Variants in TEP1 observed in about 807,000 individuals in gnomAD.
TEP1 encodes the protein telomerase associated protein 1.
Under a neutral mutation model 306.3 loss-of-function variants are expected in TEP1, and 241 were observed. The observed-to-expected ratio is 0.79, with a 90% confidence interval of 0.71 to 0.88. The LOEUF (loss-of-function observed/expected upper bound fraction) is 0.88, where lower values mean the gene tolerates loss of function less well. TEP1 is among the 40% of genes least tolerant of loss of function. TEP1 has a pLI of 0.00. For synonymous variants in TEP1, 1,289 were observed against 1,305.5 expected, an observed-to-expected ratio of 0.99 and a Z score of 0.27; for missense variants, 3,051 against 3,276.1, an observed-to-expected ratio of 0.93 and a Z score of 1.68.
Position 20,405,498 on chromosome 14 carries a change from C to A in TEP1, c.823G>T (p.Glu275Ter). 6.2e-7 allele frequency: 1 copy of A among 1,614,132 alleles called. No homozygotes were observed. The highest frequency in any genetic ancestry group is 8.5e-7 in the Non-Finnish European group (1 of 1,180,020). Residue 275 changes from glutamate to a stop codon, truncating the protein, a stop_gained, in exon 4 of 55, where the codon GAA (glutamate) becomes TAA (stop). Coordinates refer to ENST00000262715, the MANE Select transcript of TEP1 (RefSeq NM_007110.5). LOFTEE classifies it high-confidence loss of function. Reference sequence around the variant, plus strand: ...AGGAGGGCAAGTTCACGACAGATTTCAAAAATGGCAGCCAGGGTGGGGTCA... The same window carrying A: ...AGGAGGGCAAGTTCACGACAGATTTAAAAAATGGCAGCCAGGGTGGGGTCA... ...TSDPTLAAIF[E>*]ICRELALLEP...
intron 9 of TEP1, among the ~76,000 whole-genome samples, chr14:20,397,504 G>A (rs541196862): frequency 6.6e-6 from 1 of 151,748 alleles, no homozygotes; most frequent in South Asian, 2.1e-4. Flanking sequence ...GCAAGACTCT[G>A]TCTCCAAAAA....
chr14:20,384,213 T>G lies in TEP1; in HGVS notation c.3359A>C (p.Gln1120Pro), dbSNP rs1240112456. The change falls in exon 24 of 55, where the codon CAG becomes CCG. Residue 1120 changes from glutamine to proline, a missense_variant. Gln to Pro is a moderately conservative substitution (Grantham distance 76). This residue lies in a region of TEP1 where 1,507 missense variants were observed against 1,550.5 expected (regional missense o/e 0.97). Transcript: ENST00000262715. ...GTCATCGTCTGGGATGGACACTGGC[T>G]GCTCCAGCAGGGCCCCAGGCTGAGG... Reference protein sequence around the residue: ...LYLQPGALLEQPVSIPDDDLV... With the variant: ...LYLQPGALLEPPVSIPDDDLV... 3.1e-6 allele frequency: 5 copies of G among 1,613,940 alleles called. No homozygotes were observed. Among genetic ancestry groups the G allele is most frequent in the African/African-American group, 2.7e-5 (2 of 74,932 alleles).
chr14:20,402,817 T>A (rs536496042), intron 7 of TEP1, among the ~76,000 whole-genome samples: 1 of 152,332 alleles, frequency 6.6e-6, no homozygotes, highest in Non-Finnish European at 1.5e-5. Flanking sequence ...TATTTCATAA[T>A]GTTTTTAACT....
intron 15 of TEP1, among the ~76,000 whole-genome samples, chr14:20,390,402 T>A (rs932826218): frequency 6.6e-6 from 1 of 152,246 alleles, no homozygotes; most frequent in Non-Finnish European, 1.5e-5. Flanking sequence ...CCCAACTCTA[T>A]GTTCAGTAGC....
At position 20,389,298 on chromosome 14, in the gene TEP1, C is replaced by A. The variant is rs1398584132; in HGVS notation, c.2466-1G>T. The A allele has an allele frequency of 6.2e-7, 1 of 1,614,162 alleles. No homozygotes were observed. Among genetic ancestry groups the A allele is most frequent in the Admixed American group, 1.7e-5 (1 of 60,020 alleles). On this transcript the variant is annotated splice_acceptor_variant, in intron 16 of 54. Transcript: ENST00000262715. LOFTEE classifies it high-confidence loss of function. Reference sequence around the variant, plus strand: ...ATCATTGGGATTCAAATCTGTTGACCTGGCAAAGGAAGAAGCAGTCATTAA... The same window carrying A: ...ATCATTGGGATTCAAATCTGTTGACATGGCAAAGGAAGAAGCAGTCATTAA...
In TEP1 at chr14:20,385,029, G is replaced by A; in HGVS notation, c.3063C>T (p.Pro1021=). ...GGAAGTAGATGAGAGCTTGGGCAGA[G>A]GGCTGCAGACGTTGGTTCCGGTTCA... ...QFLNRNQRLQ[P]SAQALIYFRD... Residue 1021 remains proline, a synonymous_variant, in exon 21 of 55, where the codon CCC becomes CCT. Coordinates refer to ENST00000262715, the MANE Select transcript of TEP1 (RefSeq NM_007110.5). 1.9e-6 allele frequency: 3 copies of A among 1,614,200 alleles called. No individual in the cohort carries two copies. The highest frequency in any genetic ancestry group is 2.5e-6 in the Non-Finnish European group (3 of 1,180,036).
In TEP1 at chr14:20,379,961, G is replaced by A. The variant is rs1186426041; in HGVS notation, c.5096C>T (p.Thr1699Ile). Residue 1699 changes from threonine (T) to isoleucine (I), a missense_variant, in exon 35 of 55, where the codon ACA (threonine) becomes ATA (isoleucine). Around this residue, in one of 3 missense-constraint regions of TEP1, gnomAD observed 1,540 missense variants for 1,705.9 expected, o/e 0.90. Transcript: ENST00000262715. ...QRAAVGTANG[T>I]VYLLDLRTWQ... ...AGTTCTCAGGTCCAACAGGTAAACT[G>A]TCCCATTGGCAGTGCCCACAGCTGC... is the stretch of plus-strand genomic sequence containing the variant. The A allele has an allele frequency of 6.2e-7, 1 of 1,613,870 alleles. No homozygotes were observed. Among genetic ancestry groups the A allele is most frequent in the Non-Finnish European group, 8.5e-7 (1 of 1,179,950 alleles).
At chr14:20,396,767 GAGA>G in intron 9 of TEP1, 37 bp from the exon 10 acceptor site, 1 of 1,473,506 alleles carries the variant, frequency 6.8e-7, no homozygotes, top group Non-Finnish European at 9.3e-7. Flanking sequence ...AAAAACAAAT[GAGA>G]AGGCCAGGCA....
rs569174414 is a variant in TEP1 at position 20,403,402 on chromosome 14, C to G, written c.1241G>C (p.Gly414Ala). ...FSHRCFPRYI[G>A]FLREEQRKFE... ...CTTTCTCTGCTCTTCTCTGAGAAAC[C>G]CTATGTACCTTGGAAAACATCTGTG... The change falls in exon 7 of 55, where the codon GGG becomes GCG. Residue 414 changes from glycine (G) to alanine (A), a missense_variant. By Grantham distance (60) the Gly-to-Ala change is moderately conservative. Coordinates refer to ENST00000262715, the MANE Select transcript of TEP1 (RefSeq NM_007110.5). 9 of 1,613,996 alleles carry G rather than the reference C, an allele frequency of 5.6e-6. No individual in the cohort carries two copies. Among genetic ancestry groups the G allele is most frequent in the African/African-American group, 4.0e-5 (3 of 74,888 alleles).
At chr14:20,400,564 T>C (rs1293231015) in intron 9 of TEP1, 1 of 152,044 alleles carries the variant, frequency 6.6e-6, no homozygotes, top group Admixed American at 6.6e-5. Flanking sequence ...CCTCCTCTAT[T>C]TGACTTTTTT....
Position 20,391,532 on chromosome 14 carries a change from G to A in TEP1, c.2097+67C>T, listed in dbSNP as rs1291488882. 2.0e-6 allele frequency: 3 copies of A among 1,529,882 alleles called. No individual in the cohort carries two copies. In the African/African-American group the frequency reaches 4.1e-5, roughly 21 times the overall value. 94.8% of individuals were successfully genotyped at this position (1,529,882 alleles called of 1,614,324 possible). ...CTGGGAAAACCAGCTCTGGGAACAG[G>A]ATACTGCTCAGGATCCCCAGCATTC... On this transcript the variant is annotated intron_variant, in intron 13 of 54. Transcript: ENST00000262715.
chr14:20,372,551 T>C (rs1428068510), intron 49 of TEP1, among the ~76,000 whole-genome samples, 182 bp downstream of exon 49: 1 of 152,178 alleles, frequency 6.6e-6, no homozygotes, highest in Non-Finnish European at 1.5e-5. Flanking sequence ...GAGCTTGGCA[T>C]CAAGTAGGCA....
chr14:20,386,108 G>C lies in TEP1; in HGVS notation c.2949C>G (p.Ser983Arg), dbSNP rs1036195823. The change falls in exon 20 of 55, where the codon AGC (serine) becomes AGG (arginine). Residue 983 changes from serine (S) to arginine (R), a missense_variant. By Grantham distance (110) the Ser-to-Arg change is moderately radical. Coordinates refer to ENST00000262715, the MANE Select transcript of TEP1 (RefSeq NM_007110.5). The part of the protein sequence containing the change: ...LGSRYGYIPP[S>R]YNLPDHPHFH... Reference sequence around the variant, plus strand: ...AGTGTGGATGGTCAGGAAGGTTGTAGCTGGGGGGAATGTATCCATAACGGG... The same window carrying C: ...AGTGTGGATGGTCAGGAAGGTTGTACCTGGGGGGAATGTATCCATAACGGG... 1 of 1,612,872 alleles carries C rather than the reference G, an allele frequency of 6.2e-7. No homozygotes were observed. Among genetic ancestry groups the C allele is most frequent in the Non-Finnish European group, 8.5e-7 (1 of 1,179,580 alleles).
intron 1 of TEP1, among the ~76,000 whole-genome samples, chr14:20,410,802 G>GTTTT (rs61662364): frequency 3.2e-4 from 8 of 25,220 alleles, no homozygotes; most frequent in African/African-American, 4.4e-4. Flanking sequence ...CTCCTTTGTG[G>GTTTT]TTTTTTTTTT....
Position 20,401,718 on chromosome 14 carries a change from A to C in TEP1, c.1267-137T>G. 4 of 1,288,614 alleles carry C rather than the reference A, an allele frequency of 3.1e-6. No homozygotes were observed. In the South Asian group the frequency reaches 5.8e-5, roughly 19 times the overall value. 79.8% of individuals were successfully genotyped at this position (1,288,614 alleles called of 1,614,324 possible). A position where few individuals can be genotyped will look rare whatever the true frequency, so the allele number is the denominator to read the frequency against. The stretch of plus-strand genomic sequence containing the variant: ...TTCAAAATAGATTTGGCCAAGGAGC[A>C]GGAATAGAGGGTACAAATCTCTGGC... On this transcript the variant is annotated intron_variant, in intron 7 of 54. Transcript: ENST00000262715.
intron 2 of TEP1, among the ~76,000 whole-genome samples, chr14:20,407,003 G>C (rs1879226969): frequency 6.6e-6 from 1 of 152,208 alleles, no homozygotes; most frequent in Admixed American, 6.5e-5. Context: ...AGGGTTAAGA[G>C]GTTGCCCAAG....
chr14:20,395,706 C>A, intron 11 of TEP1, 79 bp from the exon 12 acceptor site: 1 of 1,545,604 alleles, frequency 6.5e-7, no homozygotes, highest in Non-Finnish European at 8.8e-7. Context: ...TGACCTGAGC[C>A]CCAACCCTTG....
chr14:20,369,618 C>G, intron 52 of TEP1, 42 bp from the exon 53 acceptor site: 1 of 1,612,612 alleles, frequency 6.2e-7, no homozygotes, highest in Non-Finnish European at 8.5e-7. Context: ...TCTCAGGGAT[C>G]TGCCATCCAC....
rs1879376101 is a variant in TEP1 at position 20,408,330 on chromosome 14, T to C, written c.110A>G (p.His37Arg). 6.2e-7 allele frequency: 1 copy of C among 1,613,222 alleles called. No individual in the cohort carries two copies. Among genetic ancestry groups the C allele is most frequent in the Non-Finnish European group, 8.5e-7 (1 of 1,179,882 alleles). ...GAGGATATCTGAGTGGGTAGATACATGCTGATGTAGTTTCTCCAAGGGCTG... is the reference window on the plus strand; with the variant it reads ...GAGGATATCTGAGTGGGTAGATACACGCTGATGTAGTTTCTCCAAGGGCTG... ...DLQPLEKLHQ[H>R]VSTHSDILSL... is the part of the protein sequence containing the mutation. The change falls in exon 2 of 55, where the codon CAT (histidine) becomes CGT (arginine). Residue 37 changes from histidine to arginine, a missense_variant. By Grantham distance (29) the His-to-Arg change is conservative. Transcript: ENST00000262715.
Sources: allele counts gnomAD v4.1 joint callset (sites outside exome capture counted in the v4.1 genomes callset), GRCh38; gene constraint gnomAD v4.1.1; regional missense constraint gnomAD v4.1.1; transcripts MANE v1.5; gene names NCBI Gene and HGNC (gene_info 2026-07-23, HGNC 2026-07-21).